The following MEGF6 variants were observed in gnomAD, a reference collection of about 807,000 sequenced individuals.
MEGF6 encodes multiple epidermal growth factor-like domains protein 6.
MEGF6 carries 184 observed loss-of-function variants against 207.1 expected under a neutral mutation model. That is an observed-to-expected ratio of 0.89 (90% CI 0.79 to 1.00). The LOEUF is 1.00. MEGF6 is among the 50% of genes least tolerant of loss of function. The pLI is 0.00. For missense variants in MEGF6, 2,282 were observed against 2,202.9 expected, an observed-to-expected ratio of 1.04 and a Z score of -0.72; for synonymous variants, 1,038 against 910.0, an observed-to-expected ratio of 1.14 and a Z score of -2.53.
In MEGF6 at chr1:3,489,416, CCA is replaced by C. The variant is rs1044862311; in HGVS notation, c.*1110_*1111del. Among the ~76,000 whole-genome samples the C allele has an allele frequency of 1.3e-5, 2 of 152,212 alleles. No individual in the cohort carries two copies. Among genetic ancestry groups the C allele is most frequent in the African/African-American group, 4.8e-5 (2 of 41,450 alleles). ...AGTGCAGCCCTCTCCATTGGCCACC[CCA>C]CTCTGCAGAGGAGCCCCCAGCCACC... On this transcript the variant is annotated 3_prime_UTR_variant, in exon 37 of 37. Transcript: ENST00000356575.
chr1:3,518,572 G>A (rs377147201), intron 5 of MEGF6, among the ~76,000 whole-genome samples: 6 of 152,234 alleles, frequency 3.9e-5, no homozygotes, highest in African/African-American at 7.2e-5. Context: ...GGCGGGCTGC[G>A]CCGAGGCAGG....
rs772742116 is a variant in MEGF6, at chr1:3,501,088, G to A, written c.2453C>T (p.Pro818Leu). Residue 818 changes from proline (P) to leucine (L), a missense_variant, in exon 20 of 37, where the codon CCA becomes CTA. Transcript: ENST00000356575. ...FVGSRCQDVC[P>L]AGWYGPSCQT... is the part of the protein sequence containing the mutation. ...GCAGCTGGGACCATACCAGCCTGCT[G>A]GGCACACTACAGGCAGGCGAGAGAG... The A allele has an allele frequency of 7.4e-6, 12 of 1,612,712 alleles. 1 individual carries two copies. In the Middle Eastern group the frequency reaches 9.9e-4, roughly 133 times the overall value.
At chr1:3,548,316 C>A (rs1362630416) in intron 4 of MEGF6, among the ~76,000 whole-genome samples, 5 of 152,204 alleles carry the variant, frequency 3.3e-5, no homozygotes, top group African/African-American at 1.2e-4. Flanking sequence ...CAGGACGGGC[C>A]CTGGAAGAGC....
chr1:3,518,675 T>C (rs1043660482), intron 5 of MEGF6, among the ~76,000 whole-genome samples: 14 of 152,314 alleles, frequency 9.2e-5, no homozygotes, highest in Admixed American at 2.0e-4. Flanking sequence ...TCTGGTCCCG[T>C]TGGTTTCTGG....
intron 3 of MEGF6, 62 bp downstream of exon 3, chr1:3,595,276 G>A: frequency 1.7e-6 from 2 of 1,203,270 alleles, no homozygotes; most frequent in Non-Finnish European, 1.2e-6. Flanking sequence ...CAGATTCATG[G>A]CTCTGCTGAG....
chr1:3,590,391 A>G (rs2101820519), intron 3 of MEGF6, among the ~76,000 whole-genome samples: 1 of 51,978 alleles, frequency 1.9e-5, no homozygotes, highest in East Asian at 3.6e-4. Context: ...ATGAGCAGGA[A>G]GGACACCCCC....
chr1:3,608,019 C>T (rs527502747), intron 1 of MEGF6, among the ~76,000 whole-genome samples: 3 of 151,580 alleles, frequency 2.0e-5, no homozygotes, highest in South Asian at 2.1e-4. Flanking sequence ...CCCCTGTGGG[C>T]GGCGGGGGTG....
intron 18 of MEGF6, among the ~76,000 whole-genome samples, 189 bp from the exon 19 acceptor site, chr1:3,501,497 A>G (rs920760005): frequency 2.6e-5 from 4 of 151,956 alleles, no homozygotes; most frequent in Non-Finnish European, 5.9e-5. Flanking sequence ...GCGCACCCAC[A>G]GTAGAGGACC....
At chr1:3,510,929 T>G (rs745778974) in intron 9 of MEGF6, 27 bp from the exon 10 acceptor site, 1 of 1,583,858 alleles carries the variant, frequency 6.3e-7, no homozygotes, top group Admixed American at 1.7e-5. Context: ...ACGGGCCCCC[T>G]GGTACCAGGC....
At chr1:3,505,185 A>G (rs1328329543) in intron 17 of MEGF6, 23 bp downstream of exon 17, 1 of 1,608,320 alleles carries the variant, frequency 6.2e-7, no homozygotes, top group Non-Finnish European at 8.5e-7. Context: ...GACTGCCGGG[A>G]GCCCCAGGGG....
upstream of MEGF6, among the ~76,000 whole-genome samples, chr1:3,611,708 T>G (rs552038586): frequency 0.013 from 1,519 of 115,964 alleles, 33 homozygotes; most frequent in African/African-American, 0.044. Flanking sequence ...GCCCGGCTCC[T>G]GCTTCCAGCC....
Position 3,494,410 on chromosome 1 carries a change from G to C in MEGF6, c.4090C>G (p.Arg1364Gly). ...TGGCCATAGAAGCCGGGGCCGCAGC[G>C]GCAGGTGCCCGTGGCAGGCTCACAC... is the stretch of plus-strand genomic sequence containing the variant. ...STCEPATGTCRCGPGFYGQAC... is the reference protein window; with the variant it reads ...STCEPATGTCGCGPGFYGQAC... The change falls in exon 32 of 37, where the codon CGC becomes GGC. Residue 1364 changes from arginine to glycine, a missense_variant. Physicochemically the swap from Arg to Gly is moderately radical, Grantham distance 125. Transcript: ENST00000356575. 6.5e-7 allele frequency: 1 copy of C among 1,549,798 alleles called. No individual in the cohort carries two copies. The highest frequency in any genetic ancestry group is 8.7e-7 in the Non-Finnish European group (1 of 1,152,834).
intron 4 of MEGF6, among the ~76,000 whole-genome samples, chr1:3,541,928 G>A (rs774289273): frequency 1.2e-4 from 19 of 152,142 alleles, no homozygotes; most frequent in Admixed American, 2.0e-4. Flanking sequence ...GAGCCCACCC[G>A]CGTCCCACAG....
intron 4 of MEGF6, among the ~76,000 whole-genome samples, chr1:3,546,844 G>A (rs1256513946): frequency 1.4e-5 from 2 of 139,472 alleles, no homozygotes; most frequent in African/African-American, 5.5e-5. Flanking sequence ...GGAAGGGGGC[G>A]CCAGGGAGGC....
chr1:3,581,018 C>T (rs548550654), intron 3 of MEGF6, among the ~76,000 whole-genome samples: 2 of 152,238 alleles, frequency 1.3e-5, no homozygotes, highest in East Asian at 3.9e-4. Flanking sequence ...GAAGGACACT[C>T]AGGCACTCGT....
chr1:3,601,670 CCT>C (rs1354099099), intron 2 of MEGF6, among the ~76,000 whole-genome samples: 1 of 152,232 alleles, frequency 6.6e-6, no homozygotes, highest in South Asian at 2.1e-4. Flanking sequence ...CAGAACTGCC[CCT>C]GAGTGAGAAC....
chr1:3,502,615 A>G (rs1300834380), intron 17 of MEGF6, among the ~76,000 whole-genome samples: 8 of 152,216 alleles, frequency 5.3e-5, no homozygotes, highest in African/African-American at 1.9e-4. Context: ...GACCCCAGGG[A>G]GCACAGAGGC....
At chr1:3,553,915 G>A (rs933388307) in intron 4 of MEGF6, among the ~76,000 whole-genome samples, 5 of 152,218 alleles carry the variant, frequency 3.3e-5, no homozygotes, top group Non-Finnish European at 5.9e-5. Context: ...AAGTGCCGAC[G>A]TGGGTGGGTG....
chr1:3,499,731 C>T lies in MEGF6; in HGVS notation c.2837-15G>A. ...GGCCGGGCAGGCTGCAGACAGCGGGCAGTGATGTGGAGGGGCCCACACTGG... is the reference window on the plus strand; with the variant it reads ...GGCCGGGCAGGCTGCAGACAGCGGGTAGTGATGTGGAGGGGCCCACACTGG... On this transcript the variant is annotated splice_polypyrimidine_tract_variant and intron_variant, in intron 22 of 36. Coordinates refer to ENST00000356575, the MANE Select transcript of MEGF6 (RefSeq NM_001409.4). The T allele has an allele frequency of 6.2e-7, 1 of 1,601,648 alleles. No individual in the cohort carries two copies. Among genetic ancestry groups the T allele is most frequent in the African/African-American group, 1.3e-5 (1 of 74,808 alleles).
Sources: allele counts gnomAD v4.1 joint callset (sites outside exome capture counted in the v4.1 genomes callset), GRCh38; gene constraint gnomAD v4.1.1; transcripts MANE v1.5; gene names NCBI Gene and HGNC (gene_info 2026-07-23, HGNC 2026-07-21).